Variants in XDH observed in about 807,000 individuals in gnomAD.
The protein encoded by XDH is xanthine dehydrogenase/oxidase.
In XDH, 138 loss-of-function variants were observed where a neutral mutation model predicts 156.1. The ratio of observed to expected loss-of-function variants is 0.88; its 90% CI spans 0.77 to 1.02. The LOEUF (loss-of-function observed/expected upper bound fraction) is 1.02, where lower values mean the gene tolerates loss of function less well. Ranked by LOEUF, XDH falls within the 50% of genes least tolerant of loss-of-function variation. The pLI is 0.00. For synonymous variants in XDH, 669 were observed against 625.7 expected (o/e 1.07, Z -1.03); for missense variants, 1,849 against 1,684.9 (o/e 1.10, Z -1.71).
At chr2:31,379,337 T>C (rs1394969887) in intron 13 of XDH, among the ~76,000 whole-genome samples, 1 of 152,192 alleles carries the variant, frequency 6.6e-6, no homozygotes, top group Non-Finnish European at 1.5e-5. Context: ...AAGGTCAGCG[T>C]ATGAGGGTCT....
Position 31,375,566 on chromosome 2 carries a change from C to G in XDH, c.1428-12G>C, listed in dbSNP as rs1181424536. The G allele has an allele frequency of 7.4e-6, 12 of 1,612,394 alleles. No individual in the cohort carries two copies. The highest frequency in any genetic ancestry group is 9.3e-6 in the Non-Finnish European group (11 of 1,179,862). ...CCTCCTTCCAGAGCCTGCCAGAGAG[C>G]AGGGCGTGGGACAGCGCTCCCGCCC... is the stretch of plus-strand genomic sequence containing the variant. On this transcript the variant is annotated splice_polypyrimidine_tract_variant and intron_variant, in intron 14 of 35. Transcript: ENST00000379416.
At chr2:31,364,364 A>C in intron 23 of XDH, 120 bp from the exon 24 acceptor site, 1 of 1,021,662 alleles carries the variant, frequency 9.8e-7, no homozygotes, top group Non-Finnish European at 1.5e-6. Context: ...ACACCACATC[A>C]TCCCGTGAAA....
At chr2:31,387,401 G>C (rs774038534) in intron 8 of XDH, among the ~76,000 whole-genome samples, 22 of 152,068 alleles carry the variant, frequency 1.4e-4, no homozygotes, top group Non-Finnish European at 2.8e-4. Context: ...TTTTTGTTTT[G>C]TTTTGTTTTG....
chr2:31,370,625 TC>T, intron 17 of XDH, 147 bp from the exon 18 acceptor site: 1 of 1,118,622 alleles, frequency 8.9e-7, no homozygotes. Flanking sequence ...AGATTCTAAT[TC>T]AATTATATCC....
In XDH at chr2:31,381,664, G is replaced by A. The variant is rs149225690; in HGVS notation, c.1101C>T (p.Ala367=). 51 of 1,614,002 alleles carry A rather than the reference G, an allele frequency of 3.2e-5. No individual in the cohort carries two copies. The highest frequency in any genetic ancestry group is 4.0e-5 in the Non-Finnish European group (47 of 1,180,030). ...ACACAAGTGTCAGCTTGGCCCCACT[G>A]GCCATGAACACGGGGTTGAGGTCGG... ...PISDLNPVFM[A]SGAKLTLVSR... The change falls in exon 12 of 36, where the codon GCC becomes GCT. Residue 367 remains alanine (A), a synonymous_variant. Transcript: ENST00000379416.
At chr2:31,356,544 T>C (rs1001714463) in intron 24 of XDH, among the ~76,000 whole-genome samples, 1 of 152,148 alleles carries the variant, frequency 6.6e-6, no homozygotes, top group Non-Finnish European at 1.5e-5. Flanking sequence ...ATTGGACTGA[T>C]GCAACCACAA....
intron 14 of XDH, among the ~76,000 whole-genome samples, chr2:31,376,741 G>A (rs1686254844): frequency 6.7e-6 from 1 of 148,938 alleles, no homozygotes. Flanking sequence ...AGAAGCAGCT[G>A]GAGTAGTAGC....
Position 31,366,912 on chromosome 2 carries a change from C to G in XDH, c.2280G>C (p.Glu760Asp), listed in dbSNP as rs1411311412. Residue 760 changes from glutamate to aspartate, a missense_variant, in exon 21 of 36, where the codon GAG becomes GAC. Physicochemically the swap from Glu to Asp is conservative, Grantham distance 45. Transcript: ENST00000379416. ...TCTGTGTAGACACAAAGAGCTCCATCTCCCCTGCCTCGCCTTTTGGAACAG... is the reference window on the plus strand; with the variant it reads ...TCTGTGTAGACACAAAGAGCTCCATGTCCCCTGCCTCGCCTTTTGGAACAG... Reference protein sequence around the residue: ...TIAVPKGEAGEMELFVSTQNT... With the variant: ...TIAVPKGEAGDMELFVSTQNT... 6.2e-7 allele frequency: 1 copy of G among 1,614,248 alleles called. No homozygotes were observed.
intron 17 of XDH, 127 bp downstream of exon 17, chr2:31,372,100 TG>T: frequency 7.2e-7 from 1 of 1,389,828 alleles, no homozygotes. Flanking sequence ...CTCTCTAGCC[TG>T]GGAGGTCCTG....
chr2:31,340,537 T>G (rs1314309128), intron 33 of XDH, among the ~76,000 whole-genome samples: 1 of 152,132 alleles, frequency 6.6e-6, no homozygotes, highest in Non-Finnish European at 1.5e-5. Flanking sequence ...TGGTGGGATC[T>G]TGGCTCCCTG....
At chr2:31,361,151 C>T (rs1002262975) in intron 24 of XDH, among the ~76,000 whole-genome samples, 2 of 152,202 alleles carry the variant, frequency 1.3e-5, no homozygotes, top group Non-Finnish European at 2.9e-5. Flanking sequence ...AGGTCAACAG[C>T]ACAAGATTGC....
chr2:31,359,424 T>A (rs1163066547), intron 24 of XDH, among the ~76,000 whole-genome samples: 1 of 150,680 alleles, frequency 6.6e-6, no homozygotes. Flanking sequence ...ACAGGCGAAG[T>A]GTCCTATTGC....
intron 23 of XDH, 115 bp from the exon 24 acceptor site, chr2:31,364,359 A>ACATCAT: frequency 1.9e-6 from 2 of 1,045,498 alleles, no homozygotes; most frequent in South Asian, 2.6e-5. Flanking sequence ...ACAGAACACC[A>ACATCAT]CATCATCCCG....
At chr2:31,392,581 T>C (rs1686796831) in intron 6 of XDH, among the ~76,000 whole-genome samples, 1 of 151,958 alleles carries the variant, frequency 6.6e-6, no homozygotes, top group South Asian at 2.1e-4. Context: ...TGTGCCACCA[T>C]GCCTGGCTAA....
chr2:31,387,973 C>G (rs1686657638), intron 7 of XDH, 76 bp from the exon 8 acceptor site: 2 of 1,480,648 alleles, frequency 1.4e-6, no homozygotes, highest in Non-Finnish European at 1.8e-6. Context: ...TTCAGCCTTT[C>G]CTTCCAGCAA....
rs747552323 is a variant in XDH at position 31,350,109 on chromosome 2, C to T, written c.2746G>A (p.Gly916Arg). ...GCAATGAGCATCCCCTGGGGCCCCC[C>T]AAAGCCCCGGAAGGCCGTGTTGGAG... is the stretch of plus-strand genomic sequence containing the variant. ...LPSNTAFRGF[G>R]GPQGMLIAEC... The change falls in exon 25 of 36, where the codon GGG (glycine) becomes AGG (arginine). Residue 916 changes from glycine (G) to arginine (R), a missense_variant. Coordinates refer to ENST00000379416, the MANE Select transcript of XDH (RefSeq NM_000379.4). 3 of 1,614,136 alleles carry T rather than the reference C, an allele frequency of 1.9e-6. No individual in the cohort carries two copies. The highest frequency in any genetic ancestry group is 2.5e-6 in the Non-Finnish European group (3 of 1,180,054).
intron 6 of XDH, among the ~76,000 whole-genome samples, chr2:31,397,258 G>T (rs772883403): frequency 6.6e-6 from 1 of 152,206 alleles, no homozygotes; most frequent in Non-Finnish European, 1.5e-5. Context: ...AAAGCAGCCA[G>T]GAGAGGGAAG....
At chr2:31,401,374 C>G in intron 3 of XDH, 46 bp from the exon 4 acceptor site, 1 of 1,595,624 alleles carries the variant, frequency 6.3e-7, no homozygotes, top group Non-Finnish European at 8.6e-7. Context: ...CCACTCAGAT[C>G]ATCAGAATGG....
At position 31,357,253 on chromosome 2, in the gene XDH, G is replaced by C. The variant is rs150683126; in HGVS notation, c.2631+6905C>G. Reference sequence around the variant, plus strand: ...GAACGAAATAATAAGGATAAGAGCAGAAATCAGTGAAATTGAAAACAAACA... The same window carrying C: ...GAACGAAATAATAAGGATAAGAGCACAAATCAGTGAAATTGAAAACAAACA... On this transcript the variant is annotated intron_variant, in intron 24 of 35. Coordinates refer to ENST00000379416, the MANE Select transcript of XDH (RefSeq NM_000379.4). 2.9e-4 allele frequency among the ~76,000 whole-genome samples: 44 copies of C among 152,226 alleles called. 1 individual carries two copies. In the East Asian group the frequency reaches 7.9e-3, roughly 27 times the overall value.
Sources: gnomAD v4.1 joint callset for allele counts (sites outside exome capture counted in the v4.1 genomes callset) on GRCh38, gnomAD v4.1.1 for gene constraint, MANE v1.5 for transcripts, NCBI Gene and HGNC (gene_info 2026-07-23, HGNC 2026-07-21) for gene names.